Variants in ZNF333 observed in about 807,000 individuals in gnomAD.
ZNF333 encodes the protein zinc finger protein 333.
A neutral mutation model predicts 76.1 loss-of-function variants in ZNF333; 61 were observed. The observed-to-expected ratio is 0.80, with a 90% CI of 0.65 to 0.99. ZNF333 has a LOEUF of 0.99. ZNF333 is among the 50% of genes least tolerant of loss of function. The pLI, the probability that ZNF333 is intolerant of heterozygous loss-of-function variation, is 0.00. For synonymous variants in ZNF333, 284 were observed against 305.0 expected (o/e 0.93, Z 0.72); for missense variants, 717 against 822.4 (o/e 0.87, Z 1.57).
At chr19:14,728,287 C>T (rs2042646556) in intron 11 of ZNF333, among the ~76,000 whole-genome samples, 1 of 152,140 alleles carries the variant, frequency 6.6e-6, no homozygotes, top group Non-Finnish European at 1.5e-5. Flanking sequence ...TGAGATAATT[C>T]TTCGAATATT....
intron 7 of ZNF333, among the ~76,000 whole-genome samples, chr19:14,714,279 G>A (rs1454840046): frequency 1.3e-5 from 2 of 152,110 alleles, no homozygotes; most frequent in African/African-American, 2.4e-5. Flanking sequence ...CAAGTTAGGA[G>A]GTCACAAGGT....
At chr19:14,728,871 A>G (rs2042649820) in intron 11 of ZNF333, among the ~76,000 whole-genome samples, 1 of 152,206 alleles carries the variant, frequency 6.6e-6, no homozygotes, top group African/African-American at 2.4e-5. Context: ...GGGGGGTTTT[A>G]TATCCTTAAC....
intron 4 of ZNF333, among the ~76,000 whole-genome samples, chr19:14,696,445 C>G (rs1358493024): frequency 6.6e-6 from 1 of 152,102 alleles, no homozygotes; most frequent in East Asian, 1.9e-4. Context: ...CATAAGTAGC[C>G]TTTGGTATCC....
intron 10 of ZNF333, 72 bp downstream of exon 10, chr19:14,717,161 A>T: frequency 7.6e-7 from 1 of 1,315,358 alleles, no homozygotes; most frequent in Non-Finnish European, 1.1e-6. Context: ...AAACTGTCTT[A>T]TCAGGGCAAC....
chr19:14,704,087 T>C (rs1017435461), intron 5 of ZNF333, among the ~76,000 whole-genome samples: 7 of 152,172 alleles, frequency 4.6e-5, no homozygotes, highest in African/African-American at 1.7e-4. Flanking sequence ...TCCTGCTGCC[T>C]CTTCACACGG....
At chr19:14,708,250 C>T (rs555081462) in intron 7 of ZNF333, 53 of 397,568 alleles carry the variant, frequency 1.3e-4, no homozygotes, top group Non-Finnish European at 2.1e-4. Flanking sequence ...TCAGGTGATC[C>T]GCCCACCTCG....
intron 10 of ZNF333, 80 bp downstream of exon 10, chr19:14,717,169 A>G: frequency 8.4e-7 from 1 of 1,193,884 alleles, no homozygotes; most frequent in East Asian, 2.6e-5. Flanking sequence ...TTATCAGGGC[A>G]ACCTATTCAT....
downstream of ZNF333, among the ~76,000 whole-genome samples, chr19:14,723,491 A>G (rs1013232059): frequency 2.0e-5 from 3 of 152,226 alleles, no homozygotes; most frequent in Non-Finnish European, 4.4e-5. Context: ...CCGTGAACAT[A>G]GTATGTCTAT....
At chr19:14,727,279 T>C (rs937409389) in intron 11 of ZNF333, among the ~76,000 whole-genome samples, 10 of 152,208 alleles carry the variant, frequency 6.6e-5, no homozygotes, top group East Asian at 5.8e-4. Flanking sequence ...CCGCCCGCCT[T>C]GGCCTCCCAA....
chr19:14,697,394 TTCTG>T (rs1203595561), intron 4 of ZNF333, among the ~76,000 whole-genome samples: 1 of 146,766 alleles, frequency 6.8e-6, no homozygotes, highest in East Asian at 2.0e-4. Flanking sequence ...TAGGGTCTTG[TTCTG>T]TCGCCCAGGC....
chr19:14,691,787 G>T (rs1231843343), intron 1 of ZNF333, among the ~76,000 whole-genome samples: 1 of 147,856 alleles, frequency 6.8e-6, no homozygotes, highest in African/African-American at 2.5e-5. Context: ...AGCAATTCTC[G>T]TGCCTCAGCT....
At position 14,719,352 on chromosome 19, in the gene ZNF333, A is replaced by G; in HGVS notation, c.*27A>G. The G allele has an allele frequency of 1.9e-6, 3 of 1,568,974 alleles. No homozygotes were observed. Among genetic ancestry groups the G allele is most frequent in the South Asian group, 1.2e-5 (1 of 83,972 alleles). ...TTCCATTTTGTAAAAATATAAACACATGGGGCTATGACTTTCCCTCGTAAT... is the reference window on the plus strand; with the variant it reads ...TTCCATTTTGTAAAAATATAAACACGTGGGGCTATGACTTTCCCTCGTAAT... On this transcript the variant is annotated 3_prime_UTR_variant, in exon 12 of 12. Transcript: ENST00000292530.
chr19:14,723,452 G>C (rs758541766), downstream of ZNF333, among the ~76,000 whole-genome samples: 5 of 152,098 alleles, frequency 3.3e-5, no homozygotes, highest in Admixed American at 6.5e-5. Flanking sequence ...ATATTTTTCT[G>C]TTTCTGCAAA....
chr19:14,713,912 G>A (rs910555051), intron 7 of ZNF333, among the ~76,000 whole-genome samples: 1 of 152,194 alleles, frequency 6.6e-6, no homozygotes, highest in African/African-American at 2.4e-5. Context: ...AGTGAGCTGT[G>A]ATTGTGCCAC....
intron 7 of ZNF333, 55 bp from the exon 8 acceptor site, chr19:14,715,327 G>A (rs2042397666): frequency 1.3e-6 from 2 of 1,544,668 alleles, no homozygotes; most frequent in Admixed American, 1.7e-5. Flanking sequence ...TGGGGCCTGT[G>A]AGTGTGCCCA....
At chr19:14,689,816 C>T (rs1469624393), upstream of ZNF333, 1 of 151,270 alleles carries the variant, frequency 6.6e-6, no homozygotes, top group Non-Finnish European at 1.5e-5. Context: ...TGCCCCGGGA[C>T]CTAAGCCCCA....
At position 14,717,710 on chromosome 19, in the gene ZNF333, A is replaced by T. The variant is rs569416303; in HGVS notation, c.877A>T (p.Ile293Phe). The T allele has an allele frequency of 1.2e-5, 20 of 1,614,106 alleles. No homozygotes were observed. The South Asian group carries it at 2.2e-4, about 18-fold the overall frequency. ...AIPSQDTFTE[I>F]LSIDVKGEQP... ...TCCTAGCCAAGATACTTTTACAGAG[A>T]TCCTGTCCATTGATGTGAAAGGGGT... Residue 293 changes from isoleucine to phenylalanine, a missense_variant, in exon 11 of 12, where the codon ATC (isoleucine) becomes TTC (phenylalanine). Physicochemically the swap from Ile to Phe is conservative, Grantham distance 21 (BLOSUM62 0). Transcript: ENST00000292530.
intron 7 of ZNF333, chr19:14,707,023 T>G: frequency 2.3e-6 from 1 of 438,432 alleles, no homozygotes; most frequent in Non-Finnish European, 4.0e-6. Flanking sequence ...TTGGGCAACA[T>G]GAAATTCTTG....
intron 9 of ZNF333, 127 bp downstream of exon 9, chr19:14,716,365 C>T: frequency 1.8e-6 from 2 of 1,091,284 alleles, no homozygotes; most frequent in Middle Eastern, 2.7e-4. Flanking sequence ...CTCAGGTGAT[C>T]CTCCCACCCC....
Sources: allele counts gnomAD v4.1 joint callset (sites outside exome capture counted in the v4.1 genomes callset), GRCh38; gene constraint gnomAD v4.1.1; transcripts MANE v1.5; gene names NCBI Gene and HGNC (gene_info 2026-07-23, HGNC 2026-07-21).